The following SLC2A9 variants were observed in gnomAD, a reference collection of about 807,000 sequenced individuals.
SLC2A9 encodes solute carrier family 2, facilitated glucose transporter member 9.
In SLC2A9, 39 loss-of-function variants were observed where a neutral mutation model predicts 50.6. That is an observed-to-expected ratio of 0.77 (90% confidence interval 0.60 to 1.01). SLC2A9 has a LOEUF of 1.01. Ranked by LOEUF, SLC2A9 falls within the 50% of genes least tolerant of loss-of-function variation. The probability of loss-of-function intolerance (pLI) is 0.00; values close to 1 mark genes in which losing one functional copy is unlikely to be tolerated. For missense variants in SLC2A9, 686 were observed against 677.6 expected, an observed-to-expected ratio of 1.01 and a Z score of -0.14; for synonymous variants, 324 against 276.9, an observed-to-expected ratio of 1.17 and a Z score of -1.69.
intron 5 of SLC2A9, among the ~76,000 whole-genome samples, chr4:9,946,392 T>C (rs1393575767): frequency 6.6e-6 from 1 of 152,184 alleles, no homozygotes; most frequent in Non-Finnish European, 1.5e-5. Flanking sequence ...TAAGTAGAGT[T>C]GAAATCATTA....
chr4:9,920,698 G>A (rs1199596237), intron 6 of SLC2A9, 126 bp from the exon 7 acceptor site: 1 of 1,111,552 alleles, frequency 9.0e-7, no homozygotes, highest in Non-Finnish European at 1.3e-6. Flanking sequence ...GAACTTGGCA[G>A]GGGCCTTTGA....
chr4:9,942,077 T>A, intron 5 of SLC2A9, 32 bp from the exon 6 acceptor site: 1 of 1,613,346 alleles, frequency 6.2e-7, no homozygotes, highest in Non-Finnish European at 8.5e-7. Context: ...CTGAGTGCAG[T>A]GGCCTTTGGT....
intron 10 of SLC2A9, among the ~76,000 whole-genome samples, chr4:9,883,188 C>T (rs1249278495): frequency 5.3e-5 from 8 of 151,940 alleles, no homozygotes; most frequent in Non-Finnish European, 7.4e-5. Context: ...ACTCTATTAT[C>T]TTATATTCAC....
Position 9,996,792 on chromosome 4 carries a change from C to G in SLC2A9, c.399G>C (p.Lys133Asn), listed in dbSNP as rs1758754169. 3.1e-6 allele frequency: 5 copies of G among 1,613,750 alleles called. No individual in the cohort carries two copies. Among genetic ancestry groups the G allele is most frequent in the Non-Finnish European group, 4.2e-6 (5 of 1,179,832 alleles). ...VGTLIVKMIGKVLGRKHTLLA... is the reference protein window; with the variant it reads ...VGTLIVKMIGNVLGRKHTLLA... ...AGCCTCCTACTGACCTCCCAAGAAC[C>G]TTTCCAATCATCTTCACAATTAACG... The change falls in exon 3 of 12, where the codon AAG becomes AAC. Residue 133 changes from lysine to asparagine, a missense_variant. Physicochemically the swap from Lys to Asn is moderately conservative, Grantham distance 94. Transcript: ENST00000264784.
At chr4:9,775,565 C>A (rs1717439721), downstream of SLC2A9, among the ~76,000 whole-genome samples, 1 of 152,074 alleles carries the variant, frequency 6.6e-6, no homozygotes, top group Non-Finnish European at 1.5e-5. Context: ...TCCCCCATGG[C>A]TTGGTGCTGT....
At chr4:9,802,751 T>C (rs985224520) in intron 3 of SLC2A9, among the ~76,000 whole-genome samples, 2 of 151,926 alleles carry the variant, frequency 1.3e-5, no homozygotes, top group African/African-American at 4.8e-5. Flanking sequence ...TTAGTAGAGA[T>C]GGAGTTTCAC....
intron 1 of SLC2A9, among the ~76,000 whole-genome samples, chr4:10,037,796 C>T (rs1322202712): frequency 6.6e-6 from 1 of 151,698 alleles, no homozygotes; most frequent in Middle Eastern, 3.2e-3. Context: ...TAAAAACACA[C>T]AAAAAATTAG....
intron 3 of SLC2A9, among the ~76,000 whole-genome samples, chr4:9,808,359 G>C (rs1011687169): frequency 6.6e-6 from 1 of 152,164 alleles, no homozygotes; most frequent in Non-Finnish European, 1.5e-5. Context: ...ACTGGAACTT[G>C]AAAGTGCGGG....
chr4:9,896,792 A>G (rs1463130617), intron 8 of SLC2A9, among the ~76,000 whole-genome samples: 2 of 152,220 alleles, frequency 1.3e-5, no homozygotes, highest in African/African-American at 2.4e-5. Flanking sequence ...TTCCATGTGG[A>G]TATCTACTTT....
chr4:10,023,352 C>T (rs571415930), upstream of SLC2A9, among the ~76,000 whole-genome samples: 1 of 152,326 alleles, frequency 6.6e-6, no homozygotes, highest in Admixed American at 6.5e-5. Flanking sequence ...CCTATGCTGT[C>T]CTGATAGGGA....
intron 10 of SLC2A9, among the ~76,000 whole-genome samples, chr4:9,868,501 C>T (rs1320054): frequency 0.46 from 69,980 of 152,168 alleles, 19,062 homozygotes; most frequent in Non-Finnish European, 0.62. Context: ...AGGGGAAATG[C>T]TATCCACCCA....
intron 7 of SLC2A9, among the ~76,000 whole-genome samples, chr4:9,909,845 G>T (rs1301940665): frequency 6.6e-6 from 1 of 152,228 alleles, no homozygotes; most frequent in Non-Finnish European, 1.5e-5. Flanking sequence ...TGAACAGTTT[G>T]ATACTTATTC....
At chr4:9,896,237 G>A (rs1738537755) in intron 8 of SLC2A9, among the ~76,000 whole-genome samples, 1 of 152,192 alleles carries the variant, frequency 6.6e-6, no homozygotes, top group Non-Finnish European at 1.5e-5. Context: ...GAGCCTTCCT[G>A]TTACTCCACA....
downstream of SLC2A9, among the ~76,000 whole-genome samples, chr4:9,794,808 G>A (rs1430855522): frequency 6.6e-6 from 1 of 152,098 alleles, no homozygotes; most frequent in African/African-American, 2.4e-5. Flanking sequence ...TGGTGGCAAC[G>A]AGGGGATCTG....
intron 3 of SLC2A9, chr4:9,782,504 G>C: frequency 6.2e-7 from 1 of 1,613,968 alleles, no homozygotes; most frequent in Non-Finnish European, 8.5e-7. Context: ...CATGGCCTTG[G>C]TCATGGTCGG....
intron 2 of SLC2A9, among the ~76,000 whole-genome samples, chr4:10,013,430 A>G (rs867878058): frequency 7.2e-5 from 11 of 152,202 alleles, no homozygotes; most frequent in African/African-American, 2.2e-4. Context: ...CATCCAGGTG[A>G]CTGTGTTGAG....
At chr4:9,986,507 G>C (rs1756742892) in intron 3 of SLC2A9, among the ~76,000 whole-genome samples, 1 of 152,246 alleles carries the variant, frequency 6.6e-6, no homozygotes, top group Admixed American at 6.5e-5. Flanking sequence ...GCATCAGAGA[G>C]AGAGAGCCCA....
chr4:9,780,647 G>C (rs1270826992), intron 3 of SLC2A9, among the ~76,000 whole-genome samples: 1 of 152,220 alleles, frequency 6.6e-6, no homozygotes, highest in East Asian at 1.9e-4. Flanking sequence ...GCTGGCTGCT[G>C]TCACATCCCT....
At chr4:9,852,607 T>C (rs1231129501) in intron 10 of SLC2A9, among the ~76,000 whole-genome samples, 1 of 152,216 alleles carries the variant, frequency 6.6e-6, no homozygotes, top group Non-Finnish European at 1.5e-5. Flanking sequence ...CCAGTCAAAC[T>C]AAGCTTCATA....
Sources: gnomAD v4.1 joint callset for allele counts (sites outside exome capture counted in the v4.1 genomes callset) on GRCh38, gnomAD v4.1.1 for gene constraint, MANE v1.5 for transcripts, NCBI Gene and HGNC (gene_info 2026-07-23, HGNC 2026-07-21) for gene names.